SPOP: variants seen among roughly 807,000 people sequenced by gnomAD.
SPOP encodes the protein speckle type BTB/POZ protein.
SPOP carries 11 observed loss-of-function variants against 45.6 expected under a neutral mutation model. The ratio of observed to expected loss-of-function variants is 0.24; its 90% CI spans 0.15 to 0.40. SPOP has a LOEUF of 0.40. Among genes scored for constraint, SPOP ranks in the 10% least tolerant of loss-of-function variants. The pLI, the probability that SPOP is intolerant of heterozygous loss-of-function variation, is 1.00. For synonymous variants in SPOP, 166 were observed against 166.3 expected (o/e 1.00, Z 0.01); for missense variants, 152 against 465.6 (o/e 0.33, Z 6.20).
At chr17:49,616,997 A>G (rs1396096212) in intron 5 of SPOP, among the ~76,000 whole-genome samples, 1 of 152,226 alleles carries the variant, frequency 6.6e-6, no homozygotes, top group Non-Finnish European at 1.5e-5. Flanking sequence ...CTCGGATTTA[A>G]CCACAGGATA....
chr17:49,631,185 G>A (rs1406617194), intron 1 of SPOP, among the ~76,000 whole-genome samples: 1 of 152,076 alleles, frequency 6.6e-6, no homozygotes, highest in East Asian at 1.9e-4. Context: ...TTTCACTGTG[G>A]GGACTATTTA....
intron 7 of SPOP, among the ~76,000 whole-genome samples, chr17:49,607,636 A>G (rs900708190): frequency 1.3e-5 from 2 of 152,164 alleles, no homozygotes; most frequent in Non-Finnish European, 2.9e-5. Flanking sequence ...GTAAAAACAT[A>G]TATGTCTAAA....
rs2072181854 is a variant in SPOP at position 49,619,877 on chromosome 17, G to C, written c.201-492C>G. Among the ~76,000 whole-genome samples, 1 of 152,178 alleles carries C rather than the reference G, an allele frequency of 6.6e-6. No individual in the cohort carries two copies. Among genetic ancestry groups the C allele is most frequent in the Non-Finnish European group, 1.5e-5 (1 of 68,040 alleles). On this transcript the variant is annotated intron_variant, in intron 3 of 9. Coordinates refer to ENST00000504102, the MANE Select transcript of SPOP (RefSeq NM_001007228.2). This position sits in a 1 kb window ranked among gnomAD's most constrained non-coding sequence, Gnocchi z 4.9. ...GTCACCTTTTAAAAAGTAAACAACA[G>C]GCTGGGTGCGGTGGCTCACCCCTGT... is the stretch of plus-strand genomic sequence containing the variant.
chr17:49,674,313 A>C (rs1431310110), intron 1 of SPOP, among the ~76,000 whole-genome samples: 1 of 152,224 alleles, frequency 6.6e-6, no homozygotes, highest in Non-Finnish European at 1.5e-5. Flanking sequence ...GGTAGAAATC[A>C]GCAATGAAGC....
In SPOP at chr17:49,611,348, G is replaced by C; in HGVS notation, c.590C>G (p.Ser197Cys). ...ADELGGLWEN[S>C]RFTDCCLCVA... ...ACACAAGCAGCAGTCTGTGAACCGG[G>C]AATTCTCCCACAGTCCTCCTAACTC... The change falls in exon 6 of 10, where the codon TCC becomes TGC. Residue 197 changes from serine to cysteine, a missense_variant. Ser to Cys is a moderately radical substitution (Grantham distance 112, BLOSUM62 -1). Around this residue, in one of 3 missense-constraint regions of SPOP, gnomAD observed 106 missense variants for 255.2 expected, o/e 0.42. Transcript: ENST00000504102. 1.2e-6 allele frequency: 2 copies of C among 1,614,146 alleles called. No individual in the cohort carries two copies. The highest frequency in any genetic ancestry group is 1.7e-6 in the Non-Finnish European group (2 of 1,180,014).
At chr17:49,639,078 A>G in intron 1 of SPOP, among the ~76,000 whole-genome samples, 1 of 152,256 alleles carries the variant, frequency 6.6e-6, no homozygotes, top group East Asian at 1.9e-4. Flanking sequence ...ACACAGTGGT[A>G]AAAGAGACAG....
At chr17:49,624,575 C>T (rs1195161906) in intron 1 of SPOP, among the ~76,000 whole-genome samples, 5 of 152,108 alleles carry the variant, frequency 3.3e-5, no homozygotes, top group Non-Finnish European at 5.9e-5. Context: ...CTCAAGCAAT[C>T]CTCCTACCTC....
rs1206509492 is a variant in SPOP, at chr17:49,659,368, TCC to T, written c.-67+18563_-67+18564del. ...AACCAAAGCCAATCACTACCTGTTTTCCCAAACCAGCTCCTCCGACAGCTTCG... is the reference window on the plus strand; with the variant it reads ...AACCAAAGCCAATCACTACCTGTTTTCAAACCAGCTCCTCCGACAGCTTCG... On this transcript the variant is annotated intron_variant, in intron 1 of 9. Coordinates refer to ENST00000504102, the MANE Select transcript of SPOP (RefSeq NM_001007228.2). Among the ~76,000 whole-genome samples, 4 of 152,294 alleles carry T rather than the reference TCC, an allele frequency of 2.6e-5. No homozygotes were observed. The East Asian group carries it at 7.7e-4, about 29-fold the overall frequency.
chr17:49,676,904 C>T (rs571815325), intron 1 of SPOP, among the ~76,000 whole-genome samples: 88 of 152,314 alleles, frequency 5.8e-4, no homozygotes, highest in Admixed American at 1.9e-3. Context: ...CATCACATTA[C>T]TTAAAACCTC....
Position 49,600,199 on chromosome 17 carries a change from TCCC to T in SPOP, c.*176_*178del, listed in dbSNP as rs1161792220. 2.5e-6 allele frequency: 2 copies of T among 791,358 alleles called. No individual in the cohort carries two copies. Among genetic ancestry groups the T allele is most frequent in the African/African-American group, 3.5e-5 (2 of 57,864 alleles). The allele number at this position is 791,358 out of a possible 1,614,324, so 49.0% of individuals were successfully genotyped here. On this transcript the variant is annotated 3_prime_UTR_variant, in exon 10 of 10. Coordinates refer to ENST00000504102, the MANE Select transcript of SPOP (RefSeq NM_001007228.2). This position sits in a 1 kb window ranked among gnomAD's most constrained non-coding sequence, Gnocchi z 4.2. Reference sequence around the variant, plus strand: ...AACAGGGTTTTCATTTCATTTTCCCTCCCCCCGTTTCCCCCAAGTTATTTAGTG... The same window carrying T: ...AACAGGGTTTTCATTTCATTTTCCCTCCCGTTTCCCCCAAGTTATTTAGTG...
At chr17:49,622,425 G>A (rs2072238355) in intron 2 of SPOP, 2 of 516,802 alleles carry the variant, frequency 3.9e-6, no homozygotes, top group East Asian at 3.6e-5. Flanking sequence ...ACTGCCTGGG[G>A]TTGCACATCT....
Position 49,666,977 on chromosome 17 carries a change from G to A in SPOP, c.-67+10956C>T, listed in dbSNP as rs555495505. ...GTGGATCACCTGAGGTCAGGAGTTC[G>A]AGACTAGCCTGGCCAACATGGTGAA... On this transcript the variant is annotated intron_variant, in intron 1 of 9. Coordinates refer to ENST00000504102, the MANE Select transcript of SPOP (RefSeq NM_001007228.2). Among the ~76,000 whole-genome samples the A allele has an allele frequency of 5.5e-4, 83 of 152,074 alleles. 1 individual carries two copies. In the South Asian group the frequency reaches 0.017, roughly 30 times the overall value.
At chr17:49,635,993 TTC>T (rs1036664592) in intron 1 of SPOP, among the ~76,000 whole-genome samples, 5 of 151,990 alleles carry the variant, frequency 3.3e-5, no homozygotes, top group African/African-American at 1.2e-4. Flanking sequence ...TTTATGTTTT[TTC>T]TGTTTGTTTT....
intron 1 of SPOP, among the ~76,000 whole-genome samples, chr17:49,627,934 AC>A (rs1723135117): frequency 6.6e-6 from 1 of 152,254 alleles, no homozygotes; most frequent in Non-Finnish European, 1.5e-5. Flanking sequence ...CTAGGACAGC[AC>A]AAGTCTAATT....
At chr17:49,601,692 A>C in intron 9 of SPOP, 173 bp downstream of exon 9, 2 of 744,948 alleles carry the variant, frequency 2.7e-6, no homozygotes, top group Non-Finnish European at 4.2e-6. Context: ...AATAGGATTC[A>C]ACCCATGAAG....
Position 49,614,841 on chromosome 17 carries a change from GTGTA to G in SPOP, c.481-3388_481-3385del, listed in dbSNP as rs771966725. 7.8e-5 allele frequency among the ~76,000 whole-genome samples: 10 copies of G among 128,278 alleles called. No individual in the cohort carries two copies. In the East Asian group the frequency reaches 1.5e-3, roughly 20 times the overall value. 84.2% of individuals were successfully genotyped at this position (128,278 alleles called of 152,430 possible). A position where few individuals can be genotyped will look rare whatever the true frequency, so the allele number is the denominator to read the frequency against. On this transcript the variant is annotated intron_variant, in intron 5 of 9. Transcript: ENST00000504102. ...TGTGTGTGTGTGTGTGTGTGTGTGT[GTGTA>G]TAAAACTATTAGTTTAAAAAATTTA...
At chr17:49,677,518 G>A (rs976689967) in intron 1 of SPOP, among the ~76,000 whole-genome samples, 3 of 152,254 alleles carry the variant, frequency 2.0e-5, no homozygotes, top group Admixed American at 6.5e-5. Context: ...GCGGACTCGT[G>A]CTCCACCGGC....
At chr17:49,652,929 C>T (rs1157582952) in intron 1 of SPOP, among the ~76,000 whole-genome samples, 1 of 152,180 alleles carries the variant, frequency 6.6e-6, no homozygotes, top group Admixed American at 6.5e-5. Flanking sequence ...CAAAGGTCAG[C>T]ATTTTATTGG....
intron 2 of SPOP, 65 bp from the exon 3 acceptor site, chr17:49,622,132 G>T: frequency 6.3e-7 from 1 of 1,579,314 alleles, no homozygotes. Context: ...CAGGATGAAG[G>T]GCAGATTATC....
Sources: allele counts gnomAD v4.1 joint callset (sites outside exome capture counted in the v4.1 genomes callset), GRCh38; gene constraint gnomAD v4.1.1; regional missense constraint gnomAD v4.1.1; non-coding constraint Gnocchi (gnomAD v3.1); transcripts MANE v1.5; gene names NCBI Gene and HGNC (gene_info 2026-07-23, HGNC 2026-07-21).